Variants in CNGB1 observed in about 807,000 individuals in gnomAD.
CNGB1 encodes the protein cyclic nucleotide-gated channel beta-1.
A neutral mutation model predicts 151.7 loss-of-function variants in CNGB1; 126 were observed. That is an observed-to-expected ratio of 0.83 (90% CI 0.72 to 0.96). The LOEUF is 0.96. CNGB1 is among the 40% of genes least tolerant of loss of function. The pLI, the probability that CNGB1 is intolerant of heterozygous loss-of-function variation, is 0.00. For synonymous variants in CNGB1, 623 were observed against 635.1 expected (o/e 0.98, Z 0.29); for missense variants, 1,698 against 1,627.0 (o/e 1.04, Z -0.75).
At chr16:57,965,333 A>G (rs1363607458) in intron 2 of CNGB1, among the ~76,000 whole-genome samples, 1 of 152,246 alleles carries the variant, frequency 6.6e-6, no homozygotes, top group Admixed American at 6.5e-5. Context: ...ATGCCCCAAC[A>G]CATATATGTG....
chr16:57,933,791 C>T (rs1374638186), intron 16 of CNGB1, among the ~76,000 whole-genome samples: 35 of 141,966 alleles, frequency 2.5e-4, no homozygotes, highest in Non-Finnish European at 4.5e-5. Context: ...GGTGTGATCT[C>T]GGCTCACTGC....
At chr16:57,949,910 T>C (rs1260578972) in intron 13 of CNGB1, among the ~76,000 whole-genome samples, 1 of 152,182 alleles carries the variant, frequency 6.6e-6, no homozygotes, top group African/African-American at 2.4e-5. Context: ...TGCAAAGACA[T>C]GCATACAAGA....
intron 29 of CNGB1, among the ~76,000 whole-genome samples, chr16:57,899,858 C>T (rs1327454720): frequency 1.3e-5 from 2 of 152,158 alleles, no homozygotes; most frequent in African/African-American, 4.8e-5. Flanking sequence ...AACCAGTCCC[C>T]GGGGTGTCTC....
rs556998723 is a variant in CNGB1, at chr16:57,959,921, G to T, written c.728C>A (p.Thr243Asn). The T allele has an allele frequency of 5.3e-5, 83 of 1,575,396 alleles. No individual in the cohort carries two copies. The highest frequency in any genetic ancestry group is 6.2e-5 in the Non-Finnish European group (72 of 1,159,160). ...GTCCCTGGTTGGTGGCAGGGAGGAG[G>T]TCTGGGCCTGGGAGCCGGGCTGGGG... ...PEPQPGSQAQTSSLPPTRDPA... is the reference protein window; with the variant it reads ...PEPQPGSQAQNSSLPPTRDPA... Residue 243 changes from threonine (T) to asparagine (N), a missense_variant, in exon 10 of 33, where the codon ACC becomes AAC. Thr to Asn is a moderately conservative substitution (Grantham distance 65, BLOSUM62 0). Coordinates refer to ENST00000251102, the MANE Select transcript of CNGB1 (RefSeq NM_001297.5).
At chr16:57,963,615 C>G (rs562339794) in intron 4 of CNGB1, among the ~76,000 whole-genome samples, 1 of 152,320 alleles carries the variant, frequency 6.6e-6, no homozygotes, top group African/African-American at 2.4e-5. Flanking sequence ...GCTGAAATGT[C>G]TGAGCCAACT....
chr16:57,958,042 C>T (rs1418889674), intron 11 of CNGB1, among the ~76,000 whole-genome samples: 2 of 152,216 alleles, frequency 1.3e-5, no homozygotes, highest in Admixed American at 6.5e-5. Flanking sequence ...GCACATAGGG[C>T]TGCCGGCTCC....
At chr16:57,969,478 C>A (rs140059082) in intron 1 of CNGB1, among the ~76,000 whole-genome samples, 2 of 151,878 alleles carry the variant, frequency 1.3e-5, no homozygotes, top group Non-Finnish European at 1.5e-5. Context: ...ATTAGCCCAG[C>A]GTGGTGGCAC....
At chr16:57,968,490 C>A (rs552820634) in intron 1 of CNGB1, among the ~76,000 whole-genome samples, 1 of 152,146 alleles carries the variant, frequency 6.6e-6, no homozygotes, top group South Asian at 2.1e-4. Context: ...GAGTGAGATC[C>A]TGTCTCAAAA....
chr16:57,968,865 TA>T (rs749886638), intron 1 of CNGB1, among the ~76,000 whole-genome samples: 7,200 of 122,846 alleles, frequency 0.059, 515 homozygotes, highest in African/African-American at 0.19. Flanking sequence ...TGTCTCTATT[TA>T]AAAAAAAAAA....
At chr16:57,902,288 C>T (rs1254174807) in intron 27 of CNGB1, among the ~76,000 whole-genome samples, 2 of 152,178 alleles carry the variant, frequency 1.3e-5, no homozygotes, top group East Asian at 1.9e-4. Flanking sequence ...CCAGGCTGGT[C>T]TCAAACTCCT....
At chr16:57,946,123 A>T (rs1252323863) in intron 14 of CNGB1, among the ~76,000 whole-genome samples, 1 of 152,088 alleles carries the variant, frequency 6.6e-6, no homozygotes, top group Admixed American at 6.5e-5. Context: ...AGTCCCAGGG[A>T]TTTCCAAGCA....
In CNGB1 at chr16:57,901,687, C is replaced by T. The variant is rs541703779; in HGVS notation, c.2795-62G>A. ...CGGGCCCCACCCCAGACATACATAC[C>T]GGCCAAGTGCCCACCTACTGGCTCA... On this transcript the variant is annotated intron_variant, in intron 27 of 32. Coordinates refer to ENST00000251102, the MANE Select transcript of CNGB1 (RefSeq NM_001297.5). 2.0e-5 allele frequency: 28 copies of T among 1,373,396 alleles called. No individual in the cohort carries two copies. In the East Asian group the frequency reaches 2.8e-4, roughly 14 times the overall value. 85.1% of individuals were successfully genotyped at this position (1,373,396 alleles called of 1,614,324 possible).
At chr16:57,964,988 G>T (rs574072999) in intron 2 of CNGB1, among the ~76,000 whole-genome samples, 1 of 152,332 alleles carries the variant, frequency 6.6e-6, no homozygotes, top group African/African-American at 2.4e-5. Flanking sequence ...CTCCCTAGTA[G>T]CTAGGTGGAG....
intron 16 of CNGB1, among the ~76,000 whole-genome samples, chr16:57,939,056 G>T (rs1254203762): frequency 6.6e-6 from 1 of 152,180 alleles, no homozygotes; most frequent in Admixed American, 6.5e-5. Flanking sequence ...CATCCTCATT[G>T]AGCGGAAGTG....
intron 8 of CNGB1, 33 bp downstream of exon 8, chr16:57,960,807 C>T: frequency 6.2e-7 from 1 of 1,607,640 alleles, no homozygotes; most frequent in Non-Finnish European, 8.5e-7. Context: ...CCCCCATATA[C>T]TCAACTCCCT....
chr16:57,955,141 C>T lies in CNGB1; in HGVS notation c.874+2200G>A. ...TGGCTGGCCTTCCCCTTGTTCTGGTCTGGGAGGCTCTGGGGCTGGTGCAGG... is the reference window on the plus strand; with the variant it reads ...TGGCTGGCCTTCCCCTTGTTCTGGTTTGGGAGGCTCTGGGGCTGGTGCAGG... On this transcript the variant is annotated intron_variant, in intron 12 of 32. Coordinates refer to ENST00000251102, the MANE Select transcript of CNGB1 (RefSeq NM_001297.5). The T allele has an allele frequency of 3.4e-6, 5 of 1,469,440 alleles. 1 individual carries two copies. In the East Asian group the frequency reaches 1.3e-4, roughly 37 times the overall value. 91.0% of individuals were successfully genotyped at this position (1,469,440 alleles called of 1,614,324 possible).
At position 57,960,476 on chromosome 16, in the gene CNGB1, C is replaced by G. The variant is rs1181354558; in HGVS notation, c.583+6G>C. ...GCAGCCCCCTCCCGAGCTCCCCTCC[C>G]TGTACCTGGGTCTGAGGCAGCACCT... On this transcript the variant is annotated splice_donor_region_variant and intron_variant, in intron 9 of 32. Coordinates refer to ENST00000251102, the MANE Select transcript of CNGB1 (RefSeq NM_001297.5). The G allele has an allele frequency of 6.2e-7, 1 of 1,613,106 alleles. No homozygotes were observed.
intron 11 of CNGB1, among the ~76,000 whole-genome samples, chr16:57,957,599 T>G (rs1358938270): frequency 2.0e-5 from 3 of 152,092 alleles, no homozygotes; most frequent in Non-Finnish European, 4.4e-5. Flanking sequence ...TGAAGCAAGG[T>G]GGGGGTGACC....
At chr16:57,900,631 G>A (rs1596958318) in intron 29 of CNGB1, among the ~76,000 whole-genome samples, 2 of 152,188 alleles carry the variant, frequency 1.3e-5, no homozygotes, top group East Asian at 3.9e-4. Context: ...TGAGCAGGGA[G>A]GGGGTTCTAG....
Sources: gnomAD v4.1 joint callset for allele counts (sites outside exome capture counted in the v4.1 genomes callset) on GRCh38, gnomAD v4.1.1 for gene constraint, MANE v1.5 for transcripts, NCBI Gene and HGNC (gene_info 2026-07-23, HGNC 2026-07-21) for gene names.